The following NMT2 variants were observed in gnomAD, a reference collection of about 807,000 sequenced individuals.
NMT2 encodes the protein N-myristoyltransferase 2.
A neutral mutation model predicts 65.4 loss-of-function variants in NMT2; 35 were observed. The ratio of observed to expected loss-of-function variants is 0.54; its 90% CI spans 0.41 to 0.71. The LOEUF is 0.71. NMT2 is among the 30% of genes least tolerant of loss of function. The pLI, the probability that NMT2 is intolerant of heterozygous loss-of-function variation, is 0.00. For missense variants in NMT2, 489 were observed against 611.3 expected, an observed-to-expected ratio of 0.80 and a Z score of 2.11; for synonymous variants, 226 against 231.8, an observed-to-expected ratio of 0.98 and a Z score of 0.23.
At chr10:15,144,469 C>T (rs923812333) in intron 1 of NMT2, among the ~76,000 whole-genome samples, 8 of 152,162 alleles carry the variant, frequency 5.3e-5, no homozygotes, top group Non-Finnish European at 1.2e-4. Context: ...CAGTGGCTCA[C>T]GCCTGTAATC....
At chr10:15,114,152 T>C (rs750080239) in intron 9 of NMT2, among the ~76,000 whole-genome samples, 2 of 152,240 alleles carry the variant, frequency 1.3e-5, no homozygotes, top group East Asian at 1.9e-4. Flanking sequence ...CAGCTCAGTA[T>C]TGGAGATGAA....
At chr10:15,130,786 CTTTTTTTTTTT>C (rs765987022) in intron 6 of NMT2, among the ~76,000 whole-genome samples, 2 of 101,206 alleles carry the variant, frequency 2.0e-5, no homozygotes, top group African/African-American at 7.6e-5. Flanking sequence ...TTCTTTCTTT[CTTTTTTTTTTT>C]TTTTTTTTTT....
At chr10:15,155,108 G>A in intron 1 of NMT2, 1 of 1,454,612 alleles carries the variant, frequency 6.9e-7, no homozygotes, top group Non-Finnish European at 9.6e-7. Flanking sequence ...TGCCACCAGT[G>A]CCATTATGGC....
chr10:15,118,663 G>A (rs1845826020), intron 9 of NMT2, among the ~76,000 whole-genome samples: 1 of 150,880 alleles, frequency 6.6e-6, no homozygotes, highest in Admixed American at 6.6e-5. Flanking sequence ...AGATTGATGA[G>A]ATACTCAAAT....
chr10:15,108,857 CTG>C lies in NMT2; in HGVS notation c.*336_*337del, dbSNP rs1410612427. Reference sequence around the variant, plus strand: ...ATAGCAAAGATTTTCTTACATGACTCTGTAACTTCTACTTAGTCCATAGAAAA... The same window carrying C: ...ATAGCAAAGATTTTCTTACATGACTCTAACTTCTACTTAGTCCATAGAAAA... On this transcript the variant is annotated 3_prime_UTR_variant, in exon 12 of 12. Transcript: ENST00000378165. The C allele has an allele frequency of 9.2e-7, 1 of 1,086,132 alleles. No individual in the cohort carries two copies. Among genetic ancestry groups the C allele is most frequent in the Non-Finnish European group, 1.1e-6 (1 of 895,494 alleles). The allele number at this position is 1,086,132 out of a possible 1,614,324, so 67.3% of individuals were successfully genotyped here. A position where few individuals can be genotyped will look rare whatever the true frequency, so the allele number is the denominator to read the frequency against.
At chr10:15,167,125 T>C (rs1361491082) in intron 1 of NMT2, among the ~76,000 whole-genome samples, 2 of 152,152 alleles carry the variant, frequency 1.3e-5, no homozygotes, top group Non-Finnish European at 1.5e-5. Flanking sequence ...CACGTTTCTA[T>C]CCCTGCATAA....
rs112553973 is a variant in NMT2, at chr10:15,121,228, T to C, written c.1000-1715A>G. Among the ~76,000 whole-genome samples the C allele has an allele frequency of 9.8e-3, 1,487 of 152,380 alleles. 17 individuals carry two copies. The highest frequency in any genetic ancestry group is 0.033 in the African/African-American group (1,373 of 41,588). On this transcript the variant is annotated intron_variant, in intron 8 of 11. Transcript: ENST00000378165. ...TATATAAATATTGCTACTCTACTTT[T>C]TCTGCCCTAAATGATTATTTTTAAA...
chr10:15,107,380 T>G lies in NMT2; in HGVS notation c.*1815A>C, dbSNP rs1845341585. ...CACTGGACTCATAACTTGAAGGAAA[T>G]GCCATCATGTCTAAAACAATTAACT... is the stretch of plus-strand genomic sequence containing the variant. On this transcript the variant is annotated 3_prime_UTR_variant, in exon 12 of 12. Transcript: ENST00000378165. The G allele has an allele frequency of 5.1e-6, 5 of 985,456 alleles. No homozygotes were observed. The highest frequency in any genetic ancestry group is 6.0e-6 in the Non-Finnish European group (5 of 829,944). The allele number at this position is 985,456 out of a possible 1,614,324, so 61.0% of individuals were successfully genotyped here.
chr10:15,148,461 C>T (rs1051164501), intron 1 of NMT2, among the ~76,000 whole-genome samples: 2 of 152,078 alleles, frequency 1.3e-5, no homozygotes, highest in Non-Finnish European at 2.9e-5. Context: ...TGCAGTGAGC[C>T]GTGATCGTGC....
chr10:15,142,463 G>C (rs1846810231), intron 1 of NMT2, among the ~76,000 whole-genome samples: 1 of 152,248 alleles, frequency 6.6e-6, no homozygotes, highest in Non-Finnish European at 1.5e-5. Flanking sequence ...TCAGGAGGCT[G>C]AGGTGGGAAG....
rs1402032811 is a variant in NMT2 at position 15,108,257 on chromosome 10, G to C, written c.*938C>G. The C allele has an allele frequency of 1.0e-5, 9 of 859,342 alleles. No individual in the cohort carries two copies. Among genetic ancestry groups the C allele is most frequent in the Non-Finnish European group, 1.3e-5 (9 of 717,536 alleles). The allele number at this position is 859,342 out of a possible 1,614,324, so 53.2% of individuals were successfully genotyped here. A position where few individuals can be genotyped will look rare whatever the true frequency, so the allele number is the denominator to read the frequency against. Reference sequence around the variant, plus strand: ...GGCTGGAGTGCAGTGGCTCGATCTCGGCTCACTGCAACCTCACCTCTCAGG... The same window carrying C: ...GGCTGGAGTGCAGTGGCTCGATCTCCGCTCACTGCAACCTCACCTCTCAGG... On this transcript the variant is annotated 3_prime_UTR_variant, in exon 12 of 12. Coordinates refer to ENST00000378165, the MANE Select transcript of NMT2 (RefSeq NM_004808.3).
intron 1 of NMT2, chr10:15,155,202 G>A (rs1349498671): frequency 1.3e-6 from 2 of 1,535,112 alleles, no homozygotes; most frequent in South Asian, 2.2e-5. Context: ...TTTCTCTCCA[G>A]TGCTCAGAGC....
chr10:15,136,710 C>T (rs916927667), intron 2 of NMT2, among the ~76,000 whole-genome samples: 6 of 152,166 alleles, frequency 3.9e-5, no homozygotes, highest in Non-Finnish European at 7.4e-5. Context: ...CATAGCCTGT[C>T]GTTCCCAGCC....
intron 1 of NMT2, among the ~76,000 whole-genome samples, chr10:15,141,972 A>C (rs1846788032): frequency 3.3e-5 from 5 of 152,206 alleles, no homozygotes; most frequent in Admixed American, 3.3e-4. Context: ...ACAGAACTAA[A>C]CAAACCACTT....
intron 8 of NMT2, among the ~76,000 whole-genome samples, chr10:15,125,699 G>A (rs890813448): frequency 2.6e-5 from 4 of 152,090 alleles, no homozygotes; most frequent in Non-Finnish European, 5.9e-5. Context: ...ATGGAGTCTC[G>A]CTCTGTGGCC....
At chr10:15,164,058 C>T (rs1241564248) in intron 1 of NMT2, among the ~76,000 whole-genome samples, 3 of 151,842 alleles carry the variant, frequency 2.0e-5, no homozygotes, top group Non-Finnish European at 2.9e-5. Flanking sequence ...CGGGCGCCTA[C>T]TGTAGTCCCA....
chr10:15,152,796 G>A (rs1832847966), intron 1 of NMT2, among the ~76,000 whole-genome samples: 1 of 152,140 alleles, frequency 6.6e-6, no homozygotes, highest in Admixed American at 6.5e-5. Context: ...CTTGGTTCCT[G>A]GTTTAAAACT....
At chr10:15,157,405 G>A (rs1409201204) in intron 1 of NMT2, among the ~76,000 whole-genome samples, 1 of 152,208 alleles carries the variant, frequency 6.6e-6, no homozygotes, top group Non-Finnish European at 1.5e-5. Context: ...GAGGGCTGAA[G>A]TGGGTACCTC....
chr10:15,155,354 G>A (rs535928928), intron 1 of NMT2: 32 of 866,808 alleles, frequency 3.7e-5, no homozygotes, highest in Admixed American at 9.9e-5. Flanking sequence ...TGGCGGTGGC[G>A]TCTGCAAAGC....
Sources: gnomAD v4.1 joint callset for allele counts (sites outside exome capture counted in the v4.1 genomes callset) on GRCh38, gnomAD v4.1.1 for gene constraint, MANE v1.5 for transcripts, NCBI Gene and HGNC (gene_info 2026-07-23, HGNC 2026-07-21) for gene names.